CDKAL1: variants seen among roughly 807,000 people sequenced by gnomAD.
CDKAL1 encodes the protein CDKAL1 threonylcarbamoyladenosine tRNA methylthiotransferase.
Under a neutral mutation model 68.2 loss-of-function variants are expected in CDKAL1, and 32 were observed. The ratio of observed to expected loss-of-function variants is 0.47; its 90% CI spans 0.35 to 0.63. The LOEUF is 0.63. Ranked by LOEUF, CDKAL1 falls within the 30% of genes least tolerant of loss-of-function variation. CDKAL1 has a pLI of 0.00. For missense variants in CDKAL1, 606 were observed against 696.7 expected, an observed-to-expected ratio of 0.87 and a Z score of 1.47; for synonymous variants, 234 against 244.3, an observed-to-expected ratio of 0.96 and a Z score of 0.39.
At chr6:20,629,974 CT>C (rs1262610974) in intron 4 of CDKAL1, among the ~76,000 whole-genome samples, 11 of 152,150 alleles carry the variant, frequency 7.2e-5, no homozygotes, top group African/African-American at 2.7e-4. Context: ...TTCTCTCAGC[CT>C]CCTTAGTAGC....
At chr6:20,760,126 TA>T (rs1205602145) in intron 7 of CDKAL1, among the ~76,000 whole-genome samples, 4 of 151,894 alleles carry the variant, frequency 2.6e-5, no homozygotes, top group African/African-American at 9.7e-5. Flanking sequence ...CTTTTTTTAT[TA>T]TTTTTTAATT....
At chr6:21,169,279 G>A (rs1386519308) in intron 13 of CDKAL1, among the ~76,000 whole-genome samples, 3 of 152,192 alleles carry the variant, frequency 2.0e-5, no homozygotes, top group Non-Finnish European at 2.9e-5. Flanking sequence ...ATGTTAATCC[G>A]ACTAGCATAA....
At chr6:20,649,427 G>C in intron 5 of CDKAL1, 50 bp downstream of exon 5, 1 of 967,360 alleles carries the variant, frequency 1.0e-6, no homozygotes, top group South Asian at 1.4e-5. Context: ...AGTAAGAATT[G>C]ATACCAAAAG....
intron 4 of CDKAL1, among the ~76,000 whole-genome samples, chr6:20,636,910 G>A (rs1465767317): frequency 6.6e-6 from 1 of 151,880 alleles, no homozygotes; most frequent in African/African-American, 2.4e-5. Flanking sequence ...GGTGGTGTAT[G>A]CCTGTAATCC....
chr6:20,645,497 C>T (rs887766924), intron 4 of CDKAL1, among the ~76,000 whole-genome samples: 4 of 151,776 alleles, frequency 2.6e-5, no homozygotes, highest in Admixed American at 6.6e-5. Flanking sequence ...TTTGGGAGGC[C>T]GAGGCAGGTA....
intron 11 of CDKAL1, among the ~76,000 whole-genome samples, chr6:21,005,995 G>A (rs1767704284): frequency 6.6e-6 from 1 of 152,132 alleles, no homozygotes; most frequent in African/African-American, 2.4e-5. Context: ...CATAAAGCCA[G>A]TATTACTTGG....
chr6:20,708,014 C>T, intron 5 of CDKAL1, among the ~76,000 whole-genome samples: 1 of 152,164 alleles, frequency 6.6e-6, no homozygotes, highest in East Asian at 1.9e-4. Context: ...AGGAAAAGCA[C>T]TTAATTGCAA....
At chr6:21,214,948 A>G (rs1779290941) in intron 15 of CDKAL1, among the ~76,000 whole-genome samples, 1 of 152,180 alleles carries the variant, frequency 6.6e-6, no homozygotes, top group Non-Finnish European at 1.5e-5. Context: ...CTTACTGAAA[A>G]GGACTGCAAG....
At chr6:21,163,167 T>C (rs542940904) in intron 13 of CDKAL1, among the ~76,000 whole-genome samples, 43 of 152,190 alleles carry the variant, frequency 2.8e-4, no homozygotes, top group Middle Eastern at 3.2e-3. Context: ...TTTTGCCTCC[T>C]CCTCACTGCC....
chr6:20,657,931 G>A (rs1168894432), intron 5 of CDKAL1, among the ~76,000 whole-genome samples: 1 of 152,134 alleles, frequency 6.6e-6, no homozygotes, highest in Non-Finnish European at 1.5e-5. Flanking sequence ...AGTTCCTCTT[G>A]AGCATTTGTC....
At chr6:20,931,871 A>G (rs73375706) in intron 9 of CDKAL1, among the ~76,000 whole-genome samples, 2,535 of 152,306 alleles carry the variant, frequency 0.017, 72 homozygotes, top group African/African-American at 0.057. Flanking sequence ...TGAATTAAGG[A>G]GTAGAAATTC....
chr6:20,766,922 A>C (rs1200172769), intron 7 of CDKAL1, among the ~76,000 whole-genome samples: 1 of 152,228 alleles, frequency 6.6e-6, no homozygotes, highest in East Asian at 1.9e-4. Flanking sequence ...AATACCAAGT[A>C]GATCAATTAA....
chr6:21,044,850 A>G (rs1770133583), intron 11 of CDKAL1, among the ~76,000 whole-genome samples: 1 of 152,144 alleles, frequency 6.6e-6, no homozygotes, highest in African/African-American at 2.4e-5. Flanking sequence ...CAATTTATAA[A>G]CTATAGAAAT....
chr6:20,810,406 A>T (rs1315433408), intron 8 of CDKAL1, among the ~76,000 whole-genome samples: 6 of 74,684 alleles, frequency 8.0e-5, no homozygotes, highest in East Asian at 7.1e-4. Flanking sequence ...ACACACACAC[A>T]CACACACACA....
chr6:20,818,254 T>G (rs1777130961), intron 8 of CDKAL1, among the ~76,000 whole-genome samples: 2 of 152,160 alleles, frequency 1.3e-5, no homozygotes, highest in African/African-American at 4.8e-5. Flanking sequence ...GAGGTATATT[T>G]CTGGATTGAA....
Position 21,104,518 on chromosome 6 carries a change from T to TAA in CDKAL1, c.1237-3872_1237-3871dup, listed in dbSNP as rs144867495. Among the ~76,000 whole-genome samples, 107 of 146,858 alleles carry TAA rather than the reference T, an allele frequency of 7.3e-4. 1 individual carries two copies. Among genetic ancestry groups the TAA allele is most frequent in the Middle Eastern group, 6.9e-3 (2 of 290 alleles). ...GGCTGTATTTCAGTAAAACTTTATT[T>TAA]AAAAAAAAAAAACAACAGGCAGTGG... On this transcript the variant is annotated intron_variant, in intron 12 of 15. Transcript: ENST00000274695.
intron 9 of CDKAL1, among the ~76,000 whole-genome samples, chr6:20,847,090 G>A (rs1051446536): frequency 6.6e-5 from 10 of 152,082 alleles, no homozygotes; most frequent in Admixed American, 6.5e-4. Context: ...ACATGAATTT[G>A]TAATGTTTCT....
At chr6:21,067,072 T>C in intron 12 of CDKAL1, among the ~76,000 whole-genome samples, 1 of 152,216 alleles carries the variant, frequency 6.6e-6, no homozygotes, top group South Asian at 2.1e-4. Flanking sequence ...TTTTGTACTG[T>C]ACCTACAGAA....
intron 12 of CDKAL1, among the ~76,000 whole-genome samples, chr6:21,080,449 A>T (rs1485017349): frequency 2.0e-5 from 3 of 152,198 alleles, no homozygotes; most frequent in Non-Finnish European, 4.4e-5. Context: ...CTGCACAAGG[A>T]GACCAGGGAG....
Sources: allele counts gnomAD v4.1 joint callset (sites outside exome capture counted in the v4.1 genomes callset), GRCh38; gene constraint gnomAD v4.1.1; transcripts MANE v1.5; gene names NCBI Gene and HGNC (gene_info 2026-07-23, HGNC 2026-07-21).